The following CAPN15 variants were observed in gnomAD, a reference collection of about 807,000 sequenced individuals.
CAPN15 encodes the protein calpain 15.
A neutral mutation model predicts 97.9 loss-of-function variants in CAPN15; 53 were observed. That is an observed-to-expected ratio of 0.54 (90% CI 0.43 to 0.68). The LOEUF (loss-of-function observed/expected upper bound fraction) is 0.68, where lower values mean the gene tolerates loss of function less well. CAPN15 is among the 30% of genes least tolerant of loss of function. The pLI is 0.00. For synonymous variants in CAPN15, 922 were observed against 722.5 expected (o/e 1.28, Z -4.43); for missense variants, 1,592 against 1,589.8 (o/e 1.00, Z -0.02).
chr16:550,183 G>T (rs576619210), intron 7 of CAPN15, among the ~76,000 whole-genome samples: 1 of 152,220 alleles, frequency 6.6e-6, no homozygotes, highest in Non-Finnish European at 1.5e-5. Flanking sequence ...GCGGCGTGTC[G>T]AGTTTGGCCA....
In CAPN15 at chr16:548,299, C is replaced by T; in HGVS notation, c.1449+12C>T. The T allele has an allele frequency of 6.8e-7, 1 of 1,464,292 alleles. No individual in the cohort carries two copies. Among genetic ancestry groups the T allele is most frequent in the Non-Finnish European group, 9.0e-7 (1 of 1,108,484 alleles). 90.7% of individuals were successfully genotyped at this position (1,464,292 alleles called of 1,614,324 possible). ...CCTTCTGCCGGGAGGTGAGGCGCCC[C>T]CTCGCCCTCTTCCTGCTCCTGAGCC... On this transcript the variant is annotated intron_variant, in intron 4 of 13. Coordinates refer to ENST00000219611, the MANE Select transcript of CAPN15 (RefSeq NM_005632.3).
At chr16:545,804 G>T (rs2034544572) in intron 3 of CAPN15, among the ~76,000 whole-genome samples, 1 of 152,220 alleles carries the variant, frequency 6.6e-6, no homozygotes, top group Non-Finnish European at 1.5e-5. Flanking sequence ...CGGAGTGGGG[G>T]CTGCAAAGAT....
At chr16:550,793 GT>G in intron 7 of CAPN15, among the ~76,000 whole-genome samples, 1 of 45,912 alleles carries the variant, frequency 2.2e-5, no homozygotes. Context: ...GTCGGTGAGG[GT>G]CCCGGTCGGT....
Position 547,330 on chromosome 16 carries a change from C to T in CAPN15, c.492C>T (p.Ser164=), listed in dbSNP as rs781608767. Residue 164 remains serine, a synonymous_variant, in exon 4 of 14, where the codon TCC becomes TCT. Coordinates refer to ENST00000219611, the MANE Select transcript of CAPN15 (RefSeq NM_005632.3). The part of the protein sequence containing the change: ...LHNTPVASSC[S]VCGGPRRLSL... ...ACACGCCCGTGGCCAGCTCCTGCTC[C>T]GTCTGCGGGGGCCCACGCAGGCTCT... 43 of 1,536,462 alleles carry T rather than the reference C, an allele frequency of 2.8e-5. No homozygotes were observed. The highest frequency in any genetic ancestry group is 2.2e-4 in the Middle Eastern group (1 of 4,450).
intron 1 of CAPN15, among the ~76,000 whole-genome samples, chr16:531,071 C>G (rs2033215974): frequency 6.6e-6 from 1 of 152,272 alleles, no homozygotes; most frequent in Non-Finnish European, 1.5e-5. Context: ...GCCATCGCTG[C>G]TTTTTAAATG....
At position 552,481 on chromosome 16, in the gene CAPN15, C is replaced by A; in HGVS notation, c.2688C>A (p.Cys896Ter). ...CTGGCGAGTACGCTGTGGTGTGCTG[C>A]GCCTTCAACCACTGGGGGCCGCCCC... Reference protein sequence around the residue: ...LEPGEYAVVCCAFNHWGPPLP... With the variant: ...LEPGEYAVVC Residue 896 changes from cysteine to a stop codon, truncating the protein, a stop_gained, in exon 11 of 14, where the codon TGC becomes TGA. Transcript: ENST00000219611. LOFTEE classifies it high-confidence loss of function. This position sits in a 1 kb window ranked among gnomAD's most constrained non-coding sequence, Gnocchi z 6.4. The A allele has an allele frequency of 6.2e-7, 1 of 1,608,520 alleles. No homozygotes were observed. The highest frequency in any genetic ancestry group is 8.5e-7 in the Non-Finnish European group (1 of 1,179,542).
chr16:547,666 G>T lies in CAPN15; in HGVS notation c.828G>T (p.Gln276His). 6.3e-7 allele frequency: 1 copy of T among 1,579,866 alleles called. No individual in the cohort carries two copies. The highest frequency in any genetic ancestry group is 1.1e-5 in the South Asian group (1 of 88,506). ...SPSAGCRGAPQGSGWAGASRL... is the reference protein window; with the variant it reads ...SPSAGCRGAPHGSGWAGASRL... Reference sequence around the variant, plus strand: ...CTGCCGGCTGCAGGGGAGCCCCCCAGGGCTCGGGCTGGGCTGGGGCCTCCC... The same window carrying T: ...CTGCCGGCTGCAGGGGAGCCCCCCATGGCTCGGGCTGGGCTGGGGCCTCCC... Residue 276 changes from glutamine (Q) to histidine (H), a missense_variant, in exon 4 of 14, where the codon CAG becomes CAT. By Grantham distance (24) the Gln-to-His change is conservative. Coordinates refer to ENST00000219611, the MANE Select transcript of CAPN15 (RefSeq NM_005632.3).
At chr16:549,539 C>A (rs2034841605) in intron 6 of CAPN15, 68 bp downstream of exon 6, 2 of 1,367,878 alleles carry the variant, frequency 1.5e-6, no homozygotes, top group Non-Finnish European at 9.8e-7. Flanking sequence ...GAAAACAAGG[C>A]CGGCTGCTTC....
At chr16:546,569 C>T (rs1567148141) in intron 3 of CAPN15, among the ~76,000 whole-genome samples, 1 of 152,246 alleles carries the variant, frequency 6.6e-6, no homozygotes, top group Non-Finnish European at 1.5e-5. Flanking sequence ...GTGCTCAGCC[C>T]TCTCTGTAGG....
At position 549,477 on chromosome 16, in the gene CAPN15, G is replaced by A; in HGVS notation, c.1842+6G>A. 1.3e-6 allele frequency: 2 copies of A among 1,583,810 alleles called. No homozygotes were observed. Among genetic ancestry groups the A allele is most frequent in the South Asian group, 2.3e-5 (2 of 88,666 alleles). On this transcript the variant is annotated splice_donor_region_variant and intron_variant, in intron 6 of 13. Coordinates refer to ENST00000219611, the MANE Select transcript of CAPN15 (RefSeq NM_005632.3). ...GCTGCCTCCTCTTCTCACAGGTGGG[G>A]CGGCCTGCAGGGTGGGCACGGGCGG...
Position 537,498 on chromosome 16 carries a change from TCA to T in CAPN15, c.-23+1361_-23+1362del. 4.2e-6 allele frequency: 4 copies of T among 953,376 alleles called. No individual in the cohort carries two copies. The South Asian group carries it at 1.9e-4, about 46-fold the overall frequency. The allele number at this position is 953,376 out of a possible 1,614,324, so 59.1% of individuals were successfully genotyped here. ...GTTGGCCCTGGCAGGTGTGCAGTCC[TCA>T]CACAGAACGGGCAGGGCTCCTGTCA... is the stretch of plus-strand genomic sequence containing the variant. On this transcript the variant is annotated intron_variant, in intron 3 of 13. Coordinates refer to ENST00000219611, the MANE Select transcript of CAPN15 (RefSeq NM_005632.3).
intron 2 of CAPN15, among the ~76,000 whole-genome samples, chr16:534,411 G>A (rs2033548403): frequency 6.6e-6 from 1 of 152,318 alleles, no homozygotes; most frequent in Non-Finnish European, 1.5e-5. Context: ...CCTGTTTCTG[G>A]AGAATGCTGT....
At position 549,146 on chromosome 16, in the gene CAPN15, G is replaced by A; in HGVS notation, c.1603G>A (p.Val535Met). Reference sequence around the variant, plus strand: ...CAGGGACCACAGGGCCACGTGGTCTGTGTTCCACACACTGCGGCCCTCAGA... The same window carrying A: ...CAGGGACCACAGGGCCACGTGGTCTATGTTCCACACACTGCGGCCCTCAGA... ...VFRDHRATWS[V>M]FHTLRPSDIL... The change falls in exon 5 of 14, where the codon GTG becomes ATG. Residue 535 changes from valine (V) to methionine (M), a missense_variant. By Grantham distance (21) the Val-to-Met change is conservative. Transcript: ENST00000219611. The A allele has an allele frequency of 6.2e-7, 1 of 1,604,410 alleles. No homozygotes were observed. Among genetic ancestry groups the A allele is most frequent in the South Asian group, 1.1e-5 (1 of 90,982 alleles).
At position 552,409 on chromosome 16, in the gene CAPN15, T is replaced by A; in HGVS notation, c.2616T>A (p.Ser872Arg). Residue 872 changes from serine to arginine, a missense_variant, in exon 11 of 14, where the codon AGT becomes AGA. Around this residue, in one of 3 missense-constraint regions of CAPN15, gnomAD observed 644 missense variants for 699.6 expected, o/e 0.92. Coordinates refer to ENST00000219611, the MANE Select transcript of CAPN15 (RefSeq NM_005632.3). The surrounding 1 kb of genome is among the most constrained non-coding windows in gnomAD (Gnocchi z 6.4). ...HLSLGRLLAH[S>R]KRAVKKFVSC... is the part of the protein sequence containing the mutation. ...GCCTGGGCCGCCTCCTGGCCCACAGTAAGCGCGCGGTCAAGAAGTTCGTCA... is the reference window on the plus strand; with the variant it reads ...GCCTGGGCCGCCTCCTGGCCCACAGAAAGCGCGCGGTCAAGAAGTTCGTCA... The A allele has an allele frequency of 6.2e-7, 1 of 1,609,028 alleles. No individual in the cohort carries two copies. The highest frequency in any genetic ancestry group is 8.5e-7 in the Non-Finnish European group (1 of 1,179,454).
At chr16:544,618 G>T (rs117298037) in intron 3 of CAPN15, among the ~76,000 whole-genome samples, 4,719 of 152,024 alleles carry the variant, frequency 0.031, 138 homozygotes, top group African/African-American at 0.068. Flanking sequence ...CGGGTCTTTT[G>T]TGCTGGATTT....
rs1183517018 is a variant in CAPN15 at position 550,749 on chromosome 16, G to T, written c.2067-553G>T. Among the ~76,000 whole-genome samples, 9 of 122,736 alleles carry T rather than the reference G, an allele frequency of 7.3e-5. 1 individual carries two copies. Among genetic ancestry groups the T allele is most frequent in the East Asian group, 2.7e-4 (1 of 3,756 alleles). The allele number at this position is 122,736 out of a possible 152,430, so 80.5% of individuals were successfully genotyped here. A position where few individuals can be genotyped will look rare whatever the true frequency, so the allele number is the denominator to read the frequency against. ...GAGGGTCCCCGTCGGTGAGGGTCCC[G>T]GTCGGTGAGGGTCCCCTGCCGGTGA... On this transcript the variant is annotated intron_variant, in intron 7 of 13. Coordinates refer to ENST00000219611, the MANE Select transcript of CAPN15 (RefSeq NM_005632.3).
chr16:553,326 T>G lies in CAPN15; in HGVS notation c.3084-13T>G. 7.1e-7 allele frequency: 1 copy of G among 1,413,084 alleles called. No individual in the cohort carries two copies. Among genetic ancestry groups the G allele is most frequent in the Non-Finnish European group, 9.4e-7 (1 of 1,061,236 alleles). The allele number at this position is 1,413,084 out of a possible 1,614,324, so 87.5% of individuals were successfully genotyped here. On this transcript the variant is annotated splice_polypyrimidine_tract_variant and intron_variant, in intron 13 of 13. Coordinates refer to ENST00000219611, the MANE Select transcript of CAPN15 (RefSeq NM_005632.3). ...CCTGCCCTCCACAGGTCCTCACCGG[T>G]CCCCTCCCCCAGGCAGGTCCTGGTG...
In CAPN15 at chr16:541,436, G is replaced by A. The variant is rs1007875230; in HGVS notation, c.-23+5294G>A. On this transcript the variant is annotated intron_variant, in intron 3 of 13. Coordinates refer to ENST00000219611, the MANE Select transcript of CAPN15 (RefSeq NM_005632.3). Reference sequence around the variant, plus strand: ...GAGTTACCCTGATGGACAGAGAGACGCGGCAAAGGCAGGGCCGGGGAGGGG... The same window carrying A: ...GAGTTACCCTGATGGACAGAGAGACACGGCAAAGGCAGGGCCGGGGAGGGG... Among the ~76,000 whole-genome samples the A allele has an allele frequency of 3.3e-5, 5 of 152,302 alleles. No individual in the cohort carries two copies. The South Asian group carries it at 6.2e-4, about 19-fold the overall frequency.
At chr16:530,780 G>T (rs1034510678) in intron 1 of CAPN15, among the ~76,000 whole-genome samples, 4 of 152,196 alleles carry the variant, frequency 2.6e-5, no homozygotes, top group Non-Finnish European at 5.9e-5. Context: ...CAGGGACCCC[G>T]TGGGCCCCCC....
Sources: gnomAD v4.1 joint callset for allele counts (sites outside exome capture counted in the v4.1 genomes callset) on GRCh38, gnomAD v4.1.1 for gene constraint, gnomAD v4.1.1 regional missense constraint, Gnocchi (gnomAD v3.1) non-coding constraint, MANE v1.5 for transcripts, NCBI Gene and HGNC (gene_info 2026-07-23, HGNC 2026-07-21) for gene names.